The following CECR2 variants were observed in gnomAD, a reference collection of about 807,000 sequenced individuals.
CECR2 encodes CECR2 histone acetyl-lysine reader, also known as chromatin remodeling regulator CECR2.
Under a neutral mutation model 154.5 loss-of-function variants are expected in CECR2, and 30 were observed. The ratio of observed to expected loss-of-function variants is 0.19; its 90% CI spans 0.15 to 0.26. The LOEUF is 0.26. CECR2 is among the 10% of genes least tolerant of loss of function. The probability of loss-of-function intolerance (pLI) is 1.00; values close to 1 mark genes in which losing one functional copy is unlikely to be tolerated. For missense variants in CECR2, 1,743 were observed against 1,829.3 expected, an observed-to-expected ratio of 0.95 and a Z score of 0.86; for synonymous variants, 725 against 683.7, an observed-to-expected ratio of 1.06 and a Z score of -0.94.
intron 8 of CECR2, chr22:17,518,670 G>T (rs1555924846): frequency 4.5e-6 from 2 of 445,084 alleles, no homozygotes; most frequent in Non-Finnish European, 9.1e-6. Context: ...ACCATTCCAG[G>T]TCTTATTGAT....
intron 1 of CECR2, among the ~76,000 whole-genome samples, chr22:17,448,045 A>G (rs2054705470): frequency 6.6e-6 from 1 of 152,226 alleles, no homozygotes; most frequent in Admixed American, 6.5e-5. Context: ...GAATGGATTT[A>G]CACTATTTTT....
chr22:17,413,513 G>A (rs941160007), intron 1 of CECR2, among the ~76,000 whole-genome samples: 10 of 152,044 alleles, frequency 6.6e-5, no homozygotes, highest in Non-Finnish European at 1.5e-5. Flanking sequence ...TAGCAGCAGG[G>A]AAAATAGGTA....
intron 1 of CECR2, among the ~76,000 whole-genome samples, chr22:17,455,231 G>A (rs138781808): frequency 7.0e-4 from 106 of 152,324 alleles, no homozygotes; most frequent in African/African-American, 2.4e-3. Context: ...CTAAGTTGTG[G>A]GAGCTAAGAA....
chr22:17,363,973 C>G (rs911528277), intron 1 of CECR2, among the ~76,000 whole-genome samples: 23 of 151,980 alleles, frequency 1.5e-4, no homozygotes, highest in African/African-American at 5.3e-4. Flanking sequence ...GTGTATAGCC[C>G]TCTTTGGGAA....
At chr22:17,416,104 G>T (rs141575451) in intron 1 of CECR2, among the ~76,000 whole-genome samples, 2 of 152,302 alleles carry the variant, frequency 1.3e-5, no homozygotes, top group African/African-American at 4.8e-5. Context: ...AGGGAGTTGG[G>T]TGCCTTTCTT....
chr22:17,541,795 T>C, intron 14 of CECR2, 44 bp from the exon 15 acceptor site: 1 of 1,574,020 alleles, frequency 6.4e-7, no homozygotes, highest in Non-Finnish European at 8.6e-7. Context: ...CTAAAGTCTG[T>C]GCCTTTCCTT....
chr22:17,478,445 TC>T (rs2055247792), intron 2 of CECR2, among the ~76,000 whole-genome samples: 1 of 142,324 alleles, frequency 7.0e-6, no homozygotes, highest in South Asian at 2.3e-4. Context: ...AAGCTTCACC[TC>T]CCAGGTTCAC....
At chr22:17,516,218 TGG>T (rs1440126565) in intron 8 of CECR2, among the ~76,000 whole-genome samples, 1 of 151,990 alleles carries the variant, frequency 6.6e-6, no homozygotes, top group Non-Finnish European at 1.5e-5. Context: ...TATATATATA[TGG>T]ATATATATCC....
chr22:17,365,263 G>A (rs539502518), upstream of CECR2, among the ~76,000 whole-genome samples: 40 of 152,140 alleles, frequency 2.6e-4, no homozygotes, highest in South Asian at 8.1e-3. Context: ...TGCTTGTCCT[G>A]GTTAACGACG....
At chr22:17,460,299 T>A (rs1483587152) in intron 1 of CECR2, among the ~76,000 whole-genome samples, 1 of 152,188 alleles carries the variant, frequency 6.6e-6, no homozygotes, top group Non-Finnish European at 1.5e-5. Context: ...AACCTCTGTC[T>A]CCTGGGTTCA....
chr22:17,486,276 C>T (rs2146829373), intron 2 of CECR2, among the ~76,000 whole-genome samples: 1 of 152,336 alleles, frequency 6.6e-6, no homozygotes, highest in Admixed American at 6.5e-5. Flanking sequence ...TGGTATAAGC[C>T]TGAGAGACAT....
rs2056546280 is a variant in CECR2, at chr22:17,542,651, C to T, written c.2508C>T (p.Ser836=). Residue 836 remains serine, a synonymous_variant, in exon 16 of 19, where the codon TCC becomes TCT. Coordinates refer to ENST00000262608, the MANE Select transcript of CECR2 (RefSeq NM_001290047.2). ...QSGFLPHGVP[S]SGYMRPPCKS... ...GCTTCCTACCTCATGGAGTTCCTTCCTCAGGGTACATGCGACCGCCCTGCA... is the reference window on the plus strand; with the variant it reads ...GCTTCCTACCTCATGGAGTTCCTTCTTCAGGGTACATGCGACCGCCCTGCA... 6.2e-7 allele frequency: 1 copy of T among 1,613,984 alleles called. No homozygotes were observed. Among genetic ancestry groups the T allele is most frequent in the Non-Finnish European group, 8.5e-7 (1 of 1,179,894 alleles).
At chr22:17,410,981 G>T (rs1473689862) in intron 1 of CECR2, among the ~76,000 whole-genome samples, 1 of 152,186 alleles carries the variant, frequency 6.6e-6, no homozygotes, top group African/African-American at 2.4e-5. Context: ...TAGGTAGTGA[G>T]TTGAATTGGG....
chr22:17,381,714 G>C (rs5747086), intron 1 of CECR2, among the ~76,000 whole-genome samples: 2 of 151,962 alleles, frequency 1.3e-5, no homozygotes, highest in Admixed American at 6.6e-5. Flanking sequence ...GGCAGCAGTG[G>C]TATTGTGAAA....
intron 16 of CECR2, among the ~76,000 whole-genome samples, chr22:17,543,424 C>T (rs547859697): frequency 1.8e-4 from 27 of 152,148 alleles, no homozygotes; most frequent in Admixed American, 3.3e-4. Flanking sequence ...CCACCGCGCC[C>T]GGCCTTCCCA....
Position 17,458,889 on chromosome 22 carries a change from G to A in CECR2, c.127-18699G>A, listed in dbSNP as rs139887789. Among the ~76,000 whole-genome samples, 1,087 of 152,136 alleles carry A rather than the reference G, an allele frequency of 7.1e-3. 5 individuals are homozygous for A. The highest frequency in any genetic ancestry group is 0.041 in the Middle Eastern group (12 of 294). On this transcript the variant is annotated intron_variant, in intron 1 of 18. Transcript: ENST00000262608. ...CTTAGTTTTAAAATACCTTTAAAAG[G>A]AGCAAAAAAATCTCACTTCAGGAGC...
intron 1 of CECR2, among the ~76,000 whole-genome samples, chr22:17,361,069 G>A: frequency 6.6e-6 from 1 of 151,610 alleles, no homozygotes. Context: ...AGGCTGAGGT[G>A]AGAGGATCAC....
chr22:17,448,835 G>GTTCTTCTTTCTCCTT (rs2054719199), intron 1 of CECR2, among the ~76,000 whole-genome samples: 1 of 151,858 alleles, frequency 6.6e-6, no homozygotes, highest in African/African-American at 2.4e-5. Flanking sequence ...CAGGCCTTCT[G>GTTCTTCTTTCTCCTT]TTCTTCTTTC....
intron 9 of CECR2, among the ~76,000 whole-genome samples, chr22:17,528,844 T>G (rs1396477877): frequency 6.6e-6 from 1 of 152,152 alleles, no homozygotes; most frequent in Non-Finnish European, 1.5e-5. Flanking sequence ...AGAAGTACTA[T>G]TTTCATTCCA....
Sources: allele counts gnomAD v4.1 joint callset (sites outside exome capture counted in the v4.1 genomes callset), GRCh38; gene constraint gnomAD v4.1.1; transcripts MANE v1.5; gene names NCBI Gene and HGNC (gene_info 2026-07-23, HGNC 2026-07-21).